PCDHA5: variants seen among roughly 807,000 people sequenced by gnomAD.
PCDHA5 encodes the protein protocadherin alpha 5, also known as protocadherin alpha-5.
Under a neutral mutation model 61.6 loss-of-function variants are expected in PCDHA5, and 43 were observed. That is an observed-to-expected ratio of 0.70 (90% confidence interval 0.55 to 0.90). PCDHA5 has a LOEUF of 0.90. PCDHA5 is among the 40% of genes least tolerant of loss of function. The pLI, the probability that PCDHA5 is intolerant of heterozygous loss-of-function variation, is 0.00. For missense variants in PCDHA5, 1,298 were observed against 1,222.7 expected (o/e 1.06, Z -0.92); for synonymous variants, 627 against 543.9 (o/e 1.15, Z -2.13).
chr5:140,925,320 C>T (rs1201662507), intron 1 of PCDHA5, among the ~76,000 whole-genome samples: 1 of 152,016 alleles, frequency 6.6e-6, no homozygotes, highest in Non-Finnish European at 1.5e-5. Context: ...ACATATTGCA[C>T]CTGTATTAAA....
chr5:140,848,577 A>G (rs1178094933), intron 1 of PCDHA5: 1 of 1,595,244 alleles, frequency 6.3e-7, no homozygotes, highest in Non-Finnish European at 8.6e-7. Context: ...GGTGGTGGGG[A>G]GCGGCCAGCT....
At chr5:140,874,111 G>A (rs977519429) in intron 1 of PCDHA5, among the ~76,000 whole-genome samples, 2 of 152,174 alleles carry the variant, frequency 1.3e-5, no homozygotes, top group African/African-American at 2.4e-5. Flanking sequence ...ATTACTTAAC[G>A]TTTTATAGTT....
At chr5:140,835,863 CTGG>C in intron 1 of PCDHA5, 1 of 1,612,100 alleles carries the variant, frequency 6.2e-7, no homozygotes, top group Non-Finnish European at 8.5e-7. Context: ...GTCCTACTCG[CTGG>C]TGGAGCTGCG....
Position 140,828,935 on chromosome 5 carries a change from A to T in PCDHA5, c.2352+4808A>T, listed in dbSNP as rs2150160938. The T allele has an allele frequency of 3.7e-6, 6 of 1,614,120 alleles. No individual in the cohort carries two copies. In the African/African-American group the frequency reaches 8.0e-5, roughly 22 times the overall value. ...GAATGGGGCAATTTCATATTCTTTTAATAGCCTTGTTGCAGCCATGGTTAT... is the reference window on the plus strand; with the variant it reads ...GAATGGGGCAATTTCATATTCTTTTTATAGCCTTGTTGCAGCCATGGTTAT... On this transcript the variant is annotated intron_variant, in intron 1 of 3. Transcript: ENST00000529859.
intron 1 of PCDHA5, chr5:140,841,303 T>C (rs2150313013): frequency 6.4e-7 from 1 of 1,572,476 alleles, no homozygotes; most frequent in South Asian, 1.2e-5. Flanking sequence ...TATTTTCTGA[T>C]AGGAAACGAC....
chr5:140,934,053 G>A (rs2089601827), intron 1 of PCDHA5, among the ~76,000 whole-genome samples: 1 of 151,758 alleles, frequency 6.6e-6, no homozygotes, highest in African/African-American at 2.4e-5. Flanking sequence ...GTCTTTCCAA[G>A]GCTAACTTTT....
intron 1 of PCDHA5, among the ~76,000 whole-genome samples, chr5:140,936,335 A>G (rs1278918836): frequency 2.0e-5 from 3 of 152,176 alleles, no homozygotes; most frequent in South Asian, 2.1e-4. Context: ...AATTTTCTCT[A>G]TCTGCATATA....
At chr5:140,933,212 T>C (rs2088935461) in intron 1 of PCDHA5, among the ~76,000 whole-genome samples, 1 of 151,682 alleles carries the variant, frequency 6.6e-6, no homozygotes, top group African/African-American at 2.4e-5. Context: ...ATTACATGTC[T>C]GTTATATTGC....
Position 140,823,262 on chromosome 5 carries a change from G to A in PCDHA5, c.1487G>A (p.Arg496Gln). Residue 496 changes from arginine to glutamine, a missense_variant, in exon 1 of 4, where the codon CGG becomes CAG. Transcript: ENST00000529859. ...CTGGTGTCCTACTCGCTGGTGGAGCGGCGGGTGGGCGAGCGCCCGCTGTCG... is the reference window on the plus strand; with the variant it reads ...CTGGTGTCCTACTCGCTGGTGGAGCAGCGGGTGGGCGAGCGCCCGCTGTCG... The part of the protein sequence containing the change: ...NALVSYSLVE[R>Q]RVGERPLSSY... 2.5e-6 allele frequency: 4 copies of A among 1,612,940 alleles called. No individual in the cohort carries two copies. The highest frequency in any genetic ancestry group is 3.4e-6 in the Non-Finnish European group (4 of 1,179,770).
chr5:140,829,921 G>A (rs1770679553), intron 1 of PCDHA5: 1 of 1,613,908 alleles, frequency 6.2e-7, no homozygotes, highest in Admixed American at 1.7e-5. Flanking sequence ...TTTCGTATGA[G>A]CTGCAGCCCC....
chr5:140,982,507 G>C lies in PCDHA5; in HGVS notation c.2444G>C (p.Arg815Pro). 6.2e-7 allele frequency: 1 copy of C among 1,614,138 alleles called. No homozygotes were observed. ...CACCTAGAGGAGGCTGGCATTCTAC[G>C]GGCTGGTCCAGGAGGGCCTGATCAG... ...SVHLEEAGIL[R>P]AGPGGPDQQW... is the part of the protein sequence containing the mutation. The change falls in exon 3 of 4, where the codon CGG becomes CCG. Residue 815 changes from arginine to proline, a missense_variant. Coordinates refer to ENST00000529859, the MANE Select transcript of PCDHA5 (RefSeq NM_018908.3).
At chr5:140,872,005 G>A (rs961415529) in intron 1 of PCDHA5, among the ~76,000 whole-genome samples, 3 of 152,200 alleles carry the variant, frequency 2.0e-5, no homozygotes, top group Admixed American at 1.3e-4. Context: ...CTATTTACAG[G>A]TGACCTGTAG....
chr5:140,906,611 C>T (rs2072787341), intron 1 of PCDHA5, among the ~76,000 whole-genome samples: 1 of 152,196 alleles, frequency 6.6e-6, no homozygotes, highest in Non-Finnish European at 1.5e-5. Flanking sequence ...ATTCTGTATT[C>T]CCTTTGCCTT....
chr5:140,879,671 G>T (rs1442617511), intron 1 of PCDHA5, among the ~76,000 whole-genome samples: 3 of 152,210 alleles, frequency 2.0e-5, no homozygotes, highest in Admixed American at 1.3e-4. Context: ...AACACAAACT[G>T]GGTGCTGTAA....
intron 1 of PCDHA5, chr5:140,857,805 C>CG: frequency 6.3e-7 from 1 of 1,597,714 alleles, no homozygotes; most frequent in Non-Finnish European, 8.6e-7. Context: ...TCGGTGGTTG[C>CG]GGGTCACGTG....
At chr5:140,948,013 A>G (rs1214834981) in intron 1 of PCDHA5, among the ~76,000 whole-genome samples, 7 of 89,982 alleles carry the variant, frequency 7.8e-5, no homozygotes, top group Admixed American at 5.3e-4. Context: ...TTTAGGAAGT[A>G]CCCTTTCTGG....
intron 1 of PCDHA5, chr5:140,927,429 C>T: frequency 6.2e-7 from 1 of 1,614,118 alleles, no homozygotes; most frequent in Non-Finnish European, 8.5e-7. Flanking sequence ...GGGTTGACGG[C>T]AGCGAATACC....
chr5:140,865,345 A>T (rs555567469), intron 1 of PCDHA5: 4 of 152,320 alleles, frequency 2.6e-5, no homozygotes, highest in African/African-American at 9.6e-5. Context: ...GAAATAGTAT[A>T]TTTACATATT....
intron 1 of PCDHA5, among the ~76,000 whole-genome samples, chr5:140,878,693 C>T (rs932928385): frequency 6.6e-6 from 1 of 152,136 alleles, no homozygotes; most frequent in South Asian, 2.1e-4. Context: ...TCTTACATAC[C>T]CCAGCCTGGT....
Sources: gnomAD v4.1 joint callset for allele counts (sites outside exome capture counted in the v4.1 genomes callset) on GRCh38, gnomAD v4.1.1 for gene constraint, MANE v1.5 for transcripts, NCBI Gene and HGNC (gene_info 2026-07-23, HGNC 2026-07-21) for gene names.